SLCO1A2: variants seen among roughly 807,000 people sequenced by gnomAD.
The protein encoded by SLCO1A2 is solute carrier organic anion transporter family member 1A2.
SLCO1A2 carries 67 observed loss-of-function variants against 69.0 expected under a neutral mutation model. The ratio of observed to expected loss-of-function variants is 0.97; its 90% CI spans 0.80 to 1.19. SLCO1A2 has a LOEUF of 1.19. Ranked by LOEUF, SLCO1A2 falls within the 50% of genes most tolerant of loss-of-function variation. The pLI, the probability that SLCO1A2 is intolerant of heterozygous loss-of-function variation, is 0.00. For missense variants in SLCO1A2, 787 were observed against 793.7 expected, an observed-to-expected ratio of 0.99 and a Z score of 0.10; for synonymous variants, 260 against 265.9, an observed-to-expected ratio of 0.98 and a Z score of 0.22.
At chr12:21,384,597 T>C (rs2137133515) in intron 1 of SLCO1A2, among the ~76,000 whole-genome samples, 1 of 152,154 alleles carries the variant, frequency 6.6e-6, no homozygotes, top group Admixed American at 6.5e-5. Context: ...TAGATTAGAA[T>C]AGCAGGAAGA....
chr12:21,337,362 T>C (rs1327541969), upstream of SLCO1A2, among the ~76,000 whole-genome samples: 1 of 152,034 alleles, frequency 6.6e-6, no homozygotes, highest in Non-Finnish European at 1.5e-5. Flanking sequence ...TCTTGCAGTA[T>C]TAAACAAATT....
chr12:21,366,643 A>C (rs1939411542), intron 2 of SLCO1A2, among the ~76,000 whole-genome samples: 1 of 152,110 alleles, frequency 6.6e-6, no homozygotes, highest in Admixed American at 6.5e-5. Flanking sequence ...GAGAATTTTG[A>C]AAAGAAACCA....
intron 2 of SLCO1A2, among the ~76,000 whole-genome samples, chr12:21,349,102 G>A (rs547478101): frequency 6.6e-6 from 1 of 152,210 alleles, no homozygotes; most frequent in Admixed American, 6.5e-5. Flanking sequence ...TTTTTAAAAG[G>A]GGAGGAGAGA....
Position 21,318,927 on chromosome 12 carries a change from G to A in SLCO1A2, c.61-4C>T, listed in dbSNP as rs1386119450. 3.2e-6 allele frequency: 5 copies of A among 1,569,470 alleles called. No homozygotes were observed. In the East Asian group the frequency reaches 6.8e-5, roughly 21 times the overall value. Reference sequence around the variant, plus strand: ...ATGTTATTGCCAACAGAAACATCTAGGAAAAAAATATAAGAAAACGTAGAA... The same window carrying A: ...ATGTTATTGCCAACAGAAACATCTAAGAAAAAAATATAAGAAAACGTAGAA... On this transcript the variant is annotated splice_polypyrimidine_tract_variant and splice_region_variant and intron_variant, in intron 2 of 14. Transcript: ENST00000683939.
intron 1 of SLCO1A2, among the ~76,000 whole-genome samples, chr12:21,389,320 C>T (rs1011750662): frequency 1.3e-5 from 2 of 152,118 alleles, no homozygotes; most frequent in Non-Finnish European, 1.5e-5. Flanking sequence ...GTTTTTCTTT[C>T]TCACTTTTCT....
At chr12:21,319,276 G>C in intron 2 of SLCO1A2, 1 of 1,189,252 alleles carries the variant, frequency 8.4e-7, no homozygotes, top group South Asian at 1.2e-5. Context: ...TACATGTACT[G>C]TAATGAAAAG....
At position 21,294,064 on chromosome 12, in the gene SLCO1A2, T is replaced by C. The variant is rs772444377; in HGVS notation, c.1318A>G (p.Asn440Asp). The change falls in exon 11 of 15, where the codon AAT becomes GAT. Residue 440 changes from asparagine to aspartate, a missense_variant. Coordinates refer to ENST00000683939, the MANE Select transcript of SLCO1A2 (RefSeq NM_001386879.1). ...TTAGATGGACAGTTGCAATCCACAT[T>C]GCAATCAGCAAAGATGTCATTTTCC... Reference protein sequence around the residue: ...YVENDIFADCNVDCNCPSKIW... With the variant: ...YVENDIFADCDVDCNCPSKIW... 2 of 1,609,266 alleles carry C rather than the reference T, an allele frequency of 1.2e-6. No homozygotes were observed. Among genetic ancestry groups the C allele is most frequent in the Non-Finnish European group, 1.7e-6 (2 of 1,178,032 alleles).
At chr12:21,292,445 C>T in intron 11 of SLCO1A2, 109 bp from the exon 12 acceptor site, 1 of 713,506 alleles carries the variant, frequency 1.4e-6, no homozygotes. Flanking sequence ...GTTCCCTTTA[C>T]TCCATCTCCA....
chr12:21,390,030 T>G (rs1014501128), intron 1 of SLCO1A2, among the ~76,000 whole-genome samples: 6 of 148,130 alleles, frequency 4.1e-5, no homozygotes, highest in African/African-American at 9.7e-5. Flanking sequence ...TACTGCTTCT[T>G]CATTTTAAAA....
intron 8 of SLCO1A2, among the ~76,000 whole-genome samples, chr12:21,299,977 T>C (rs1003604141): frequency 6.8e-6 from 1 of 147,824 alleles, no homozygotes; most frequent in Non-Finnish European, 1.5e-5. Context: ...TACATATATA[T>C]GTGTATATAT....
At chr12:21,416,794 G>A (rs1459712114) in intron 1 of SLCO1A2, among the ~76,000 whole-genome samples, 2 of 151,992 alleles carry the variant, frequency 1.3e-5, no homozygotes, top group Non-Finnish European at 2.9e-5. Flanking sequence ...ATACATCATT[G>A]AATTCAGGAA....
At chr12:21,410,526 T>A (rs1244094382) in intron 1 of SLCO1A2, among the ~76,000 whole-genome samples, 3 of 152,198 alleles carry the variant, frequency 2.0e-5, no homozygotes, top group Non-Finnish European at 4.4e-5. Context: ...TCATCTAATT[T>A]TCCCTTTAAT....
chr12:21,385,185 A>G (rs1940815109), intron 1 of SLCO1A2, among the ~76,000 whole-genome samples: 1 of 152,150 alleles, frequency 6.6e-6, no homozygotes, highest in South Asian at 2.1e-4. Flanking sequence ...GTTTACGTGA[A>G]AGCTAGGAGG....
Position 21,265,607 on chromosome 12 carries a change from G to A in SLCO1A2, c.*3941C>T, listed in dbSNP as rs1250921392. The A allele has an allele frequency of 1.3e-5, 2 of 152,096 alleles. No homozygotes were observed. Among genetic ancestry groups the A allele is most frequent in the Non-Finnish European group, 2.9e-5 (2 of 68,028 alleles). The allele number at this position is 152,096 out of a possible 1,614,324, so 9.4% of individuals were successfully genotyped here. A position where few individuals can be genotyped will look rare whatever the true frequency, so the allele number is the denominator to read the frequency against. On this transcript the variant is annotated 3_prime_UTR_variant, in exon 15 of 15. Transcript: ENST00000683939. ...GGGAAGGCTTAGGGGTTGGGAACTT[G>A]GCACAGGACCCAGTTACTCATCCTC...
chr12:21,274,481 G>GAATC lies in SLCO1A2; in HGVS notation c.1777_1780dup (p.Ser594Ter), dbSNP rs748973573. The GAATC allele has an allele frequency of 6.2e-7, 1 of 1,603,370 alleles. No homozygotes were observed. Among genetic ancestry groups the GAATC allele is most frequent in the South Asian group, 1.1e-5 (1 of 90,868 alleles). ...TTATTATCTTTACCTGAAGGTGGTGGAATCATATATCCTGCATGCCCCTGA... is the reference window on the plus strand; with the variant it reads ...TTATTATCTTTACCTGAAGGTGGTGGAATCAATCATATATCCTGCATGCCCCTGA... On this transcript the variant is annotated stop_gained and frameshift_variant, in exon 14 of 15. Coordinates refer to ENST00000683939, the MANE Select transcript of SLCO1A2 (RefSeq NM_001386879.1). LOFTEE classifies it low-confidence loss of function (END_TRUNC).
chr12:21,290,261 T>C (rs1946635681), intron 12 of SLCO1A2, among the ~76,000 whole-genome samples: 1 of 151,524 alleles, frequency 6.6e-6, no homozygotes, highest in Non-Finnish European at 1.5e-5. Flanking sequence ...TCAGATTTTC[T>C]CCAAGTAATC....
At chr12:21,389,880 G>T (rs1941066832) in intron 1 of SLCO1A2, among the ~76,000 whole-genome samples, 3 of 148,300 alleles carry the variant, frequency 2.0e-5, no homozygotes, top group East Asian at 3.9e-4. Flanking sequence ...GCTTCCTATG[G>T]GTTTTTATTA....
At chr12:21,359,491 A>G (rs1591878186) in intron 2 of SLCO1A2, among the ~76,000 whole-genome samples, 2 of 152,280 alleles carry the variant, frequency 1.3e-5, no homozygotes, top group East Asian at 1.9e-4. Context: ...CCTTCTTCCT[A>G]CCCAATAACC....
chr12:21,290,703 G>A (rs1946710002), intron 12 of SLCO1A2, among the ~76,000 whole-genome samples: 1 of 152,108 alleles, frequency 6.6e-6, no homozygotes, highest in African/African-American at 2.4e-5. Context: ...GAAAGCCAGG[G>A]GGGAATAAAA....
Sources: allele counts gnomAD v4.1 joint callset (sites outside exome capture counted in the v4.1 genomes callset), GRCh38; gene constraint gnomAD v4.1.1; transcripts MANE v1.5; gene names NCBI Gene and HGNC (gene_info 2026-07-23, HGNC 2026-07-21).